CCSER1: variants seen among roughly 807,000 people sequenced by gnomAD.
The protein encoded by CCSER1 is coiled-coil serine rich protein 1, also known as serine-rich coiled-coil domain-containing protein 1.
Under a neutral mutation model 82.0 loss-of-function variants are expected in CCSER1, and 41 were observed. The ratio of observed to expected loss-of-function variants is 0.50; its 90% CI spans 0.39 to 0.65. The LOEUF (loss-of-function observed/expected upper bound fraction) is 0.65. Among genes scored for constraint, CCSER1 ranks in the 30% least tolerant of loss-of-function variants. The pLI is 0.00. For synonymous variants in CCSER1, 414 were observed against 383.9 expected (o/e 1.08, Z -0.92); for missense variants, 1,119 against 1,064.2 (o/e 1.05, Z -0.72).
intron 5 of CCSER1, among the ~76,000 whole-genome samples, chr4:90,601,285 G>GTGTA (rs763526820): frequency 2.6e-5 from 4 of 151,930 alleles, no homozygotes; most frequent in Admixed American, 6.6e-5. Flanking sequence ...TGTTAGCTCT[G>GTGTA]TGTATGTATG....
intron 10 of CCSER1, among the ~76,000 whole-genome samples, chr4:91,280,847 G>C (rs1247013730): frequency 2.0e-5 from 3 of 152,144 alleles, no homozygotes; most frequent in Non-Finnish European, 4.4e-5. Context: ...GTGCTCCAGA[G>C]ATGTGGAGAT....
At chr4:90,131,058 C>T (rs911718823) in intron 1 of CCSER1, among the ~76,000 whole-genome samples, 15 of 152,042 alleles carry the variant, frequency 9.9e-5, no homozygotes, top group Admixed American at 2.6e-4. Flanking sequence ...AGTGCAGTGG[C>T]GCAATCTCGG....
chr4:90,895,372 C>T (rs1002131014), intron 8 of CCSER1, among the ~76,000 whole-genome samples: 1 of 151,766 alleles, frequency 6.6e-6, no homozygotes, highest in African/African-American at 2.4e-5. Context: ...TGATTGGCTT[C>T]CAAGGATAAA....
chr4:90,198,730 T>C (rs1477330960), intron 1 of CCSER1, among the ~76,000 whole-genome samples: 2 of 152,174 alleles, frequency 1.3e-5, no homozygotes, highest in East Asian at 3.9e-4. Flanking sequence ...GACCTTTCGA[T>C]GATAATGTGC....
At chr4:91,504,468 G>A (rs1759380228) in intron 10 of CCSER1, among the ~76,000 whole-genome samples, 1 of 152,084 alleles carries the variant, frequency 6.6e-6, no homozygotes, top group African/African-American at 2.4e-5. Context: ...CAACATTTGA[G>A]TGTCTTAATT....
At chr4:91,539,910 CGAT>C in intron 10 of CCSER1, among the ~76,000 whole-genome samples, 1 of 151,910 alleles carries the variant, frequency 6.6e-6, no homozygotes, top group Admixed American at 6.6e-5. Context: ...CACAGATTGA[CGAT>C]GTGCAAAATT....
rs183868533 is a variant in CCSER1, at chr4:91,093,391, G to A, written c.2217+7397G>A. On this transcript the variant is annotated intron_variant, in intron 10 of 10. Transcript: ENST00000509176. ...GGAGTAAGGTTGCAGGATTCAGAGC[G>A]TTACAGACCTCAATGGTTATGCGGG... 4.1e-3 allele frequency among the ~76,000 whole-genome samples: 623 copies of A among 152,348 alleles called. 4 individuals are homozygous for A. Among genetic ancestry groups the A allele is most frequent in the African/African-American group, 0.014 (578 of 41,586 alleles).
chr4:91,579,118 A>ATAT (rs925488520), intron 10 of CCSER1, among the ~76,000 whole-genome samples: 77 of 150,976 alleles, frequency 5.1e-4, no homozygotes, highest in South Asian at 2.1e-3. Flanking sequence ...TATTATTATT[A>ATAT]TATTATTATT....
intron 7 of CCSER1, among the ~76,000 whole-genome samples, chr4:90,743,896 T>A (rs6850783): frequency 0.33 from 49,859 of 152,046 alleles, 9,370 homozygotes; most frequent in African/African-American, 0.52. Context: ...GCATTAGCCC[T>A]TTTTTGTCCC....
At chr4:90,564,382 T>C (rs1278686589) in intron 5 of CCSER1, among the ~76,000 whole-genome samples, 1 of 152,186 alleles carries the variant, frequency 6.6e-6, no homozygotes, top group African/African-American at 2.4e-5. Context: ...TTATTTGTCT[T>C]ATTATTGAGT....
chr4:91,057,202 T>A (rs1398871004), intron 9 of CCSER1, among the ~76,000 whole-genome samples: 1 of 152,150 alleles, frequency 6.6e-6, no homozygotes, highest in Non-Finnish European at 1.5e-5. Context: ...GCTGCCTGTC[T>A]CAGGAATGGA....
In CCSER1 at chr4:90,917,101, G is replaced by A. The variant is rs1412266068; in HGVS notation, c.2095-6269G>A. ...ACTAGTTCAACCATTGTGGAAGTCT[G>A]TGTGGCAATTCCTCAGGGATCTAGA... On this transcript the variant is annotated intron_variant, in intron 8 of 10. Coordinates refer to ENST00000509176, the MANE Select transcript of CCSER1 (RefSeq NM_001145065.2). Among the ~76,000 whole-genome samples, 3 of 152,214 alleles carry A rather than the reference G, an allele frequency of 2.0e-5. No individual in the cohort carries two copies. The East Asian group carries it at 5.8e-4, about 29-fold the overall frequency.
At chr4:91,270,912 A>G (rs1455342762) in intron 10 of CCSER1, among the ~76,000 whole-genome samples, 2 of 152,230 alleles carry the variant, frequency 1.3e-5, no homozygotes, top group East Asian at 3.8e-4. Context: ...AAATGTAATG[A>G]TATTCATGAA....
At chr4:91,243,213 A>G (rs926059464) in intron 10 of CCSER1, among the ~76,000 whole-genome samples, 31 of 152,204 alleles carry the variant, frequency 2.0e-4, no homozygotes, top group Non-Finnish European at 1.2e-4. Flanking sequence ...GAGCATTTCA[A>G]CCAGCCCTAA....
chr4:90,703,813 T>A (rs1179318169), intron 6 of CCSER1, among the ~76,000 whole-genome samples: 1 of 152,190 alleles, frequency 6.6e-6, no homozygotes, highest in African/African-American at 2.4e-5. Flanking sequence ...TTTTTTTGTT[T>A]TCCATTTGCT....
At chr4:90,910,675 G>A (rs72882813) in intron 8 of CCSER1, among the ~76,000 whole-genome samples, 2,364 of 152,264 alleles carry the variant, frequency 0.016, 57 homozygotes, top group African/African-American at 0.053. Flanking sequence ...AAATAAATAT[G>A]TTATCCAGAT....
intron 10 of CCSER1, among the ~76,000 whole-genome samples, chr4:91,179,234 A>T (rs1421626179): frequency 6.6e-6 from 1 of 151,760 alleles, no homozygotes; most frequent in Admixed American, 6.6e-5. Context: ...TGCCCTTAAA[A>T]TTTTTTCCTT....
At chr4:90,870,004 A>G (rs533085118) in intron 8 of CCSER1, among the ~76,000 whole-genome samples, 11 of 151,844 alleles carry the variant, frequency 7.2e-5, no homozygotes, top group African/African-American at 2.7e-4. Flanking sequence ...CAGATTGTTC[A>G]CTCTTAGCAT....
At chr4:90,892,475 A>G (rs961205870) in intron 8 of CCSER1, among the ~76,000 whole-genome samples, 2 of 152,068 alleles carry the variant, frequency 1.3e-5, no homozygotes, top group Non-Finnish European at 2.9e-5. Flanking sequence ...TTAGGTATAT[A>G]TTATCAATTA....
Sources: gnomAD v4.1 joint callset for allele counts (sites outside exome capture counted in the v4.1 genomes callset) on GRCh38, gnomAD v4.1.1 for gene constraint, MANE v1.5 for transcripts, NCBI Gene and HGNC (gene_info 2026-07-23, HGNC 2026-07-21) for gene names.